The following PLCL2 variants were observed in gnomAD, a reference collection of about 807,000 sequenced individuals.
PLCL2 encodes the protein inactive phospholipase C-like protein 2.
A neutral mutation model predicts 79.6 loss-of-function variants in PLCL2; 4 were observed. The observed-to-expected ratio is 0.05, with a 90% confidence interval of 0.02 to 0.11. PLCL2 has a LOEUF of 0.11. Ranked by LOEUF, PLCL2 falls within the 10% of genes least tolerant of loss-of-function variation. The pLI is 1.00. For synonymous variants in PLCL2, 484 were observed against 457.7 expected (o/e 1.06, Z -0.73); for missense variants, 895 against 1,291.0 (o/e 0.69, Z 4.70).
chr3:17,051,405 C>T (rs1261689587), intron 4 of PLCL2, among the ~76,000 whole-genome samples: 2 of 152,022 alleles, frequency 1.3e-5, no homozygotes, highest in Admixed American at 1.3e-4. Flanking sequence ...AAACATGTCA[C>T]GTACCCCATA....
intron 1 of PLCL2, among the ~76,000 whole-genome samples, chr3:16,978,936 G>T (rs2124985104): frequency 6.6e-6 from 1 of 152,312 alleles, no homozygotes; most frequent in African/African-American, 2.4e-5. Context: ...TGGATACGGA[G>T]ATACTTGCCC....
At chr3:16,947,382 G>A (rs1236348014) in intron 1 of PLCL2, among the ~76,000 whole-genome samples, 3 of 152,184 alleles carry the variant, frequency 2.0e-5, no homozygotes, top group African/African-American at 4.8e-5. Context: ...GAACTCCTCA[G>A]GAGAAGCGAT....
intron 4 of PLCL2, among the ~76,000 whole-genome samples, chr3:17,055,557 C>T (rs558459173): frequency 2.0e-5 from 3 of 152,318 alleles, no homozygotes; most frequent in Admixed American, 1.3e-4. Flanking sequence ...TTCACAGAGT[C>T]ATGCAAAGAA....
chr3:16,928,279 G>T (rs1304531822), intron 1 of PLCL2, among the ~76,000 whole-genome samples: 1 of 152,232 alleles, frequency 6.6e-6, no homozygotes, highest in East Asian at 1.9e-4. Flanking sequence ...TTCACATTGA[G>T]TAGATGAGCT....
At chr3:16,956,911 C>A (rs2063711073) in intron 1 of PLCL2, among the ~76,000 whole-genome samples, 1 of 151,800 alleles carries the variant, frequency 6.6e-6, no homozygotes. Flanking sequence ...CTATTTGATT[C>A]TTCTCTCTTT....
At chr3:17,001,339 A>G (rs907996115) in intron 1 of PLCL2, among the ~76,000 whole-genome samples, 4 of 151,446 alleles carry the variant, frequency 2.6e-5, no homozygotes, top group Admixed American at 2.6e-4. Flanking sequence ...CACTCTGTTG[A>G]TTGTTTCTTT....
In PLCL2 at chr3:16,923,558, A is replaced by G. The variant is rs145288194; in HGVS notation, c.327+38192A>G. On this transcript the variant is annotated intron_variant, in intron 1 of 5. Coordinates refer to ENST00000615277, the MANE Select transcript of PLCL2 (RefSeq NM_001144382.2). ...TTCAGACTTTCACTCTTCTTGTGTC[A>G]GAAACACCTGGGGGCATGGGGCTTG... Among the ~76,000 whole-genome samples the G allele has an allele frequency of 5.0e-3, 755 of 152,328 alleles. 4 individuals are homozygous for G. The highest frequency in any genetic ancestry group is 0.017 in the African/African-American group (695 of 41,564).
intron 1 of PLCL2, among the ~76,000 whole-genome samples, chr3:16,910,349 C>G (rs1361135617): frequency 6.6e-6 from 1 of 152,080 alleles, no homozygotes; most frequent in Non-Finnish European, 1.5e-5. Context: ...CCTCCAAGTT[C>G]CTAAATCCCT....
rs974076776 is a variant in PLCL2 at position 17,031,867 on chromosome 3, A to G, written c.3019-11007A>G. On this transcript the variant is annotated intron_variant, in intron 3 of 5. Coordinates refer to ENST00000615277, the MANE Select transcript of PLCL2 (RefSeq NM_001144382.2). ...TTATATAGCTTTTCTGGATAGTTTT[A>G]TAATTGCAGCAGAGTTCCTTTGCAG... Among the ~76,000 whole-genome samples the G allele has an allele frequency of 5.3e-5, 8 of 151,210 alleles. No homozygotes were observed. In the East Asian group the frequency reaches 1.2e-3, roughly 22 times the overall value.
intron 1 of PLCL2, among the ~76,000 whole-genome samples, chr3:16,973,379 A>G (rs899417872): frequency 2.6e-5 from 3 of 114,930 alleles, no homozygotes; most frequent in African/African-American, 1.0e-4. Context: ...TTTCATTTCT[A>G]CCTTGGAGAA....
At chr3:16,973,773 G>A (rs574467656) in intron 1 of PLCL2, among the ~76,000 whole-genome samples, 2 of 152,204 alleles carry the variant, frequency 1.3e-5, no homozygotes, top group South Asian at 4.1e-4. Context: ...TTTCATTTAG[G>A]TCTATACTGG....
At chr3:16,941,435 C>T (rs1697681311) in intron 1 of PLCL2, among the ~76,000 whole-genome samples, 1 of 152,208 alleles carries the variant, frequency 6.6e-6, no homozygotes, top group East Asian at 1.9e-4. Flanking sequence ...CAACTCCAGC[C>T]CCAGCCTCAG....
At position 17,018,164 on chromosome 3, in the gene PLCL2, A is replaced by T. The variant is rs1407477432; in HGVS notation, c.3018+3253A>T. Among the ~76,000 whole-genome samples, 13 of 152,290 alleles carry T rather than the reference A, an allele frequency of 8.5e-5. No individual in the cohort carries two copies. In the South Asian group the frequency reaches 2.5e-3, roughly 29 times the overall value. On this transcript the variant is annotated intron_variant, in intron 3 of 5. Coordinates refer to ENST00000615277, the MANE Select transcript of PLCL2 (RefSeq NM_001144382.2). ...TATTAGCAGTGCTGGAGTCAGAGAC[A>T]TGAGTGTGGGATAGAAGGCACCTGC...
chr3:16,995,485 T>G (rs2064144933), intron 1 of PLCL2, among the ~76,000 whole-genome samples: 1 of 152,220 alleles, frequency 6.6e-6, no homozygotes. Context: ...GCAGGCTAGC[T>G]TTTTTCTGAT....
rs1417556269 is a variant in PLCL2, at chr3:17,011,866, A to G, written c.2520A>G (p.Glu840=). 4 of 1,614,098 alleles carry G rather than the reference A, an allele frequency of 2.5e-6. No homozygotes were observed. Among genetic ancestry groups the G allele is most frequent in the Non-Finnish European group, 3.4e-6 (4 of 1,180,040 alleles). Residue 840 remains glutamate (E), a synonymous_variant, in exon 2 of 6, where the codon GAA becomes GAG. Transcript: ENST00000615277. The surrounding 1 kb of genome is among the most constrained non-coding windows in gnomAD (Gnocchi z 7.9). The part of the protein sequence containing the change: ...VVLDDDYIGD[E]FIGQYTIPFE... Reference sequence around the variant, plus strand: ...TGGATGATGACTACATTGGGGATGAATTCATCGGCCAGTACACAATTCCCT... The same window carrying G: ...TGGATGATGACTACATTGGGGATGAGTTCATCGGCCAGTACACAATTCCCT...
chr3:17,050,485 A>G (rs1265169183), intron 4 of PLCL2, among the ~76,000 whole-genome samples: 1 of 152,176 alleles, frequency 6.6e-6, no homozygotes, highest in Non-Finnish European at 1.5e-5. Flanking sequence ...AATGGGCAAA[A>G]TGTTTAATAG....
rs1272936432 is a variant in PLCL2 at position 16,902,881 on chromosome 3, T to TGTGTGTGTGTGTGTGTGTGTGTGTGC, written c.327+17516_327+17517insTGTGTGTGTGTGTGTGTGTGTGTGCG. Reference sequence around the variant, plus strand: ...GTGTGTGTGTGTGTGTGTGTGTGTGTGNGCGCATGTGCATGCTTTGGAAGG... The same window carrying TGTGTGTGTGTGTGTGTGTGTGTGTGC: ...GTGTGTGTGTGTGTGTGTGTGTGTGTGTGTGTGTGTGTGTGTGTGTGTGTGCGNGCGCATGTGCATGCTTTGGAAGG... On this transcript the variant is annotated intron_variant, in intron 1 of 5. Transcript: ENST00000615277. Among the ~76,000 whole-genome samples, 6 of 133,912 alleles carry TGTGTGTGTGTGTGTGTGTGTGTGTGC rather than the reference T, an allele frequency of 4.5e-5. No homozygotes were observed. The East Asian group carries it at 1.2e-3, about 27-fold the overall frequency. The allele number at this position is 133,912 out of a possible 152,430, so 87.9% of individuals were successfully genotyped here.
At chr3:17,021,630 A>ACC (rs1553645068) in intron 3 of PLCL2, among the ~76,000 whole-genome samples, 1,729 of 137,866 alleles carry the variant, frequency 0.013, 33 homozygotes, top group African/African-American at 0.046. Context: ...ACACACACAC[A>ACC]CCCCAGATAC....
At chr3:17,052,603 T>C (rs2064853740) in intron 4 of PLCL2, among the ~76,000 whole-genome samples, 1 of 152,162 alleles carries the variant, frequency 6.6e-6, no homozygotes, top group Non-Finnish European at 1.5e-5. Context: ...TTGCAATGCA[T>C]TGCTGTAAAG....
Sources: allele counts gnomAD v4.1 joint callset (sites outside exome capture counted in the v4.1 genomes callset), GRCh38; gene constraint gnomAD v4.1.1; non-coding constraint Gnocchi (gnomAD v3.1); transcripts MANE v1.5; gene names NCBI Gene and HGNC (gene_info 2026-07-23, HGNC 2026-07-21).